The following PCSK5 variants were observed in gnomAD, a reference collection of about 807,000 sequenced individuals.
The protein encoded by PCSK5 is prohormone convertase 5.
PCSK5 carries 129 observed loss-of-function variants against 233.2 expected under a neutral mutation model. That is an observed-to-expected ratio of 0.55 (90% confidence interval 0.48 to 0.64). The LOEUF is 0.64. Ranked by LOEUF, PCSK5 falls within the 30% of genes least tolerant of loss-of-function variation. The pLI, the probability that PCSK5 is intolerant of heterozygous loss-of-function variation, is 0.00. For synonymous variants in PCSK5, 825 were observed against 879.2 expected (o/e 0.94, Z 1.09); for missense variants, 2,076 against 2,430.1 (o/e 0.85, Z 3.06).
chr9:76,107,502 A>G, intron 9 of PCSK5, 151 bp downstream of exon 9: 1 of 487,728 alleles, frequency 2.1e-6, no homozygotes, highest in East Asian at 3.1e-5. Context: ...TGGGCTTTTT[A>G]AAAAAAATTC....
chr9:75,927,054 G>A (rs1290544972), intron 1 of PCSK5, among the ~76,000 whole-genome samples: 1 of 152,142 alleles, frequency 6.6e-6, no homozygotes, highest in African/African-American at 2.4e-5. Context: ...TTCCAAAGAC[G>A]TTGAACAATT....
At chr9:76,221,006 A>G (rs1825713377) in intron 20 of PCSK5, among the ~76,000 whole-genome samples, 1 of 152,208 alleles carries the variant, frequency 6.6e-6, no homozygotes, top group African/African-American at 2.4e-5. Context: ...GAATTAAACA[A>G]CATAGAAAAT....
At chr9:75,914,249 C>T (rs1202124861) in intron 1 of PCSK5, among the ~76,000 whole-genome samples, 5 of 152,092 alleles carry the variant, frequency 3.3e-5, no homozygotes, top group African/African-American at 9.7e-5. Flanking sequence ...GAGAGTATGA[C>T]GAAGTTCCAT....
chr9:75,968,572 A>G (rs1290641468), intron 2 of PCSK5, among the ~76,000 whole-genome samples: 1 of 152,232 alleles, frequency 6.6e-6, no homozygotes, highest in Non-Finnish European at 1.5e-5. Flanking sequence ...AGAAAGGAAG[A>G]TGCCCTCACC....
In PCSK5 at chr9:76,157,084, C is replaced by A. The variant is rs1429980322; in HGVS notation, c.1352C>A (p.Ala451Asp). The A allele has an allele frequency of 6.2e-7, 1 of 1,613,870 alleles. No homozygotes were observed. Among genetic ancestry groups the A allele is most frequent in the Non-Finnish European group, 8.5e-7 (1 of 1,179,864 alleles). Reference sequence around the variant, plus strand: ...GGATTTGGACTGATGGACGCAGAAGCCATGGTGATGGAGGCAGAGAAGTGG... The same window carrying A: ...GGATTTGGACTGATGGACGCAGAAGACATGGTGATGGAGGCAGAGAAGTGG... ...LYGFGLMDAE[A>D]MVMEAEKWTT... Residue 451 changes from alanine (A) to aspartate (D), a missense_variant, in exon 11 of 38, where the codon GCC becomes GAC. Physicochemically the swap from Ala to Asp is moderately radical, Grantham distance 126. Transcript: ENST00000674117.
intron 7 of PCSK5, among the ~76,000 whole-genome samples, chr9:76,091,989 G>A (rs756356386): frequency 1.6e-4 from 24 of 152,044 alleles, no homozygotes; most frequent in Middle Eastern, 3.2e-3. Context: ...TCTCAACCCC[G>A]TGGATCCCCA....
At position 76,175,085 on chromosome 9, in the gene PCSK5, G is replaced by A. The variant is rs200577024; in HGVS notation, c.1856G>A (p.Arg619Gln). ...FPKVERFRYS[R>Q]VEDPTDDYGT... Reference sequence around the variant, plus strand: ...AAAGTGGAACGGTTCCGCTATAGCCGAGTTGAAGACCCCACAGACGACTAT... The same window carrying A: ...AAAGTGGAACGGTTCCGCTATAGCCAAGTTGAAGACCCCACAGACGACTAT... The change falls in exon 14 of 38, where the codon CGA (arginine) becomes CAA (glutamine). Residue 619 changes from arginine (R) to glutamine (Q), a missense_variant. By Grantham distance (43) the Arg-to-Gln change is conservative. Coordinates refer to ENST00000674117, the MANE Select transcript of PCSK5 (RefSeq NM_001372043.1). The A allele has an allele frequency of 2.2e-5, 36 of 1,614,144 alleles. No homozygotes were observed. The highest frequency in any genetic ancestry group is 1.3e-4 in the African/African-American group (10 of 75,050).
At chr9:76,220,452 G>C (rs1416929114) in intron 20 of PCSK5, among the ~76,000 whole-genome samples, 1 of 151,080 alleles carries the variant, frequency 6.6e-6, no homozygotes, top group Non-Finnish European at 1.5e-5. Flanking sequence ...GCTTGAACAT[G>C]GGAGGCAGAG....
intron 24 of PCSK5, among the ~76,000 whole-genome samples, chr9:76,244,416 GA>G (rs2131335151): frequency 1.3e-5 from 2 of 152,230 alleles, no homozygotes; most frequent in Non-Finnish European, 2.9e-5. Flanking sequence ...CCTTTGGAGA[GA>G]ACTTAACTTT....
At chr9:76,141,900 T>A (rs142697839) in intron 10 of PCSK5, among the ~76,000 whole-genome samples, 208 of 152,232 alleles carry the variant, frequency 1.4e-3, no homozygotes, top group Admixed American at 2.0e-3. Context: ...ATACTACATG[T>A]TCTCACTTGT....
intron 1 of PCSK5, among the ~76,000 whole-genome samples, chr9:75,922,340 T>G (rs1193195123): frequency 6.6e-6 from 1 of 152,176 alleles, no homozygotes; most frequent in African/African-American, 2.4e-5. Flanking sequence ...GAGGTCATGG[T>G]ATCATGGACT....
In PCSK5 at chr9:76,328,028, G is replaced by A. The variant is rs150021157; in HGVS notation, c.4359G>A (p.Leu1453=). Reference sequence around the variant, plus strand: ...CCACAGATTGCCACAAGTCCTGCTTGACCTGCTCATCATCTGGGACCTGCA... The same window carrying A: ...CCACAGATTGCCACAAGTCCTGCTTAACCTGCTCATCATCTGGGACCTGCA... ...KECRDCHKSC[L]TCSSSGTCTT... Residue 1453 remains leucine, a synonymous_variant, in exon 33 of 38, where the codon TTG becomes TTA. Transcript: ENST00000674117. The A allele has an allele frequency of 3.1e-6, 5 of 1,612,104 alleles. No individual in the cohort carries two copies. In the Admixed American group the frequency reaches 8.3e-5, roughly 27 times the overall value.
intron 32 of PCSK5, among the ~76,000 whole-genome samples, chr9:76,327,334 T>C (rs1829393862): frequency 6.6e-6 from 1 of 152,124 alleles, no homozygotes; most frequent in Non-Finnish European, 1.5e-5. Context: ...CTCGAACTCC[T>C]GGGCTCAAAC....
intron 3 of PCSK5, among the ~76,000 whole-genome samples, chr9:75,992,298 C>T (rs377254725): frequency 8.5e-5 from 13 of 152,084 alleles, no homozygotes; most frequent in African/African-American, 3.1e-4. Flanking sequence ...TGTAGGAGGG[C>T]TTATTCAATT....
chr9:76,168,741 A>G (rs1215850755), intron 12 of PCSK5, among the ~76,000 whole-genome samples: 1 of 152,218 alleles, frequency 6.6e-6, no homozygotes, highest in African/African-American at 2.4e-5. Flanking sequence ...TACAATGTAA[A>G]TTCAGTTTTT....
chr9:76,275,797 A>G (rs996359620), intron 24 of PCSK5, among the ~76,000 whole-genome samples: 8 of 152,144 alleles, frequency 5.3e-5, no homozygotes, highest in South Asian at 2.1e-4. Context: ...CTGAAAAAAT[A>G]TTTCTGTGGT....
chr9:76,143,922 A>G (rs1030404642), intron 10 of PCSK5, among the ~76,000 whole-genome samples: 1 of 152,112 alleles, frequency 6.6e-6, no homozygotes, highest in Non-Finnish European at 1.5e-5. Flanking sequence ...TGACTTCCGA[A>G]AAGCCATCTA....
chr9:76,121,537 T>C (rs1832629301), intron 9 of PCSK5, among the ~76,000 whole-genome samples: 1 of 152,182 alleles, frequency 6.6e-6, no homozygotes, highest in Admixed American at 6.6e-5. Flanking sequence ...GTATATTTCA[T>C]GTAATTCTCA....
In PCSK5 at chr9:76,191,750, G is replaced by A. The variant is rs142302792; in HGVS notation, c.2626+2004G>A. 3.3e-3 allele frequency among the ~76,000 whole-genome samples: 506 copies of A among 152,200 alleles called. 2 individuals carry two copies. Among genetic ancestry groups the A allele is most frequent in the African/African-American group, 0.012 (489 of 41,512 alleles). ...GGGGTGGTGGCACCCCAGGGGCCACGTAAGTATCATTTTTTAGTTACCAGC... is the reference window on the plus strand; with the variant it reads ...GGGGTGGTGGCACCCCAGGGGCCACATAAGTATCATTTTTTAGTTACCAGC... On this transcript the variant is annotated intron_variant, in intron 20 of 37. Transcript: ENST00000674117.
Sources: allele counts gnomAD v4.1 joint callset (sites outside exome capture counted in the v4.1 genomes callset), GRCh38; gene constraint gnomAD v4.1.1; transcripts MANE v1.5; gene names NCBI Gene and HGNC (gene_info 2026-07-23, HGNC 2026-07-21).